The following SLC25A26 variants were observed in gnomAD, a reference collection of about 807,000 sequenced individuals.
SLC25A26 encodes the protein solute carrier family 25 member 26.
A neutral mutation model predicts 37.8 loss-of-function variants in SLC25A26; 36 were observed. That is an observed-to-expected ratio of 0.95 (90% CI 0.73 to 1.26). The LOEUF (loss-of-function observed/expected upper bound fraction) is 1.26, where lower values mean the gene tolerates loss of function less well. Among genes scored for constraint, SLC25A26 ranks in the 50% most tolerant of loss-of-function variants. SLC25A26 has a pLI of 0.00. For missense variants in SLC25A26, 390 were observed against 331.1 expected (o/e 1.18, Z -1.38); for synonymous variants, 129 against 122.5 (o/e 1.05, Z -0.35).
At chr3:66,151,985 A>G (rs900579402) in intron 1 of SLC25A26, among the ~76,000 whole-genome samples, 4 of 152,204 alleles carry the variant, frequency 2.6e-5, no homozygotes, top group Admixed American at 2.0e-4. Flanking sequence ...GAATGGATGG[A>G]TGAAATAGAG....
At chr3:66,354,499 T>C (rs1476839608) in intron 6 of SLC25A26, among the ~76,000 whole-genome samples, 6 of 152,246 alleles carry the variant, frequency 3.9e-5, no homozygotes, top group Admixed American at 1.3e-4. Context: ...GTTTTATAAG[T>C]ATTTTAAACG....
chr3:66,317,970 G>T (rs894458707), intron 5 of SLC25A26, among the ~76,000 whole-genome samples: 1 of 152,186 alleles, frequency 6.6e-6, no homozygotes, highest in African/African-American at 2.4e-5. Context: ...CTGGTGGCAG[G>T]GGAAAACAGC....
intron 5 of SLC25A26, among the ~76,000 whole-genome samples, chr3:66,338,117 G>GT (rs2076131450): frequency 6.6e-6 from 1 of 151,866 alleles, no homozygotes; most frequent in African/African-American, 2.4e-5. Flanking sequence ...CACTCTTTTT[G>GT]TTTCTTCTTT....
chr3:66,294,757 A>G (rs943128637), intron 5 of SLC25A26, among the ~76,000 whole-genome samples: 3 of 152,200 alleles, frequency 2.0e-5, no homozygotes, highest in African/African-American at 7.2e-5. Context: ...CACTCTGTCT[A>G]CTATGTAGTA....
chr3:66,234,130 G>A (rs1024042094), intron 1 of SLC25A26, among the ~76,000 whole-genome samples: 1 of 152,124 alleles, frequency 6.6e-6, no homozygotes, highest in African/African-American at 2.4e-5. Context: ...TGCCCAGGCA[G>A]GAGCGTGGTG....
chr3:66,269,518 T>C (rs973561857), intron 5 of SLC25A26, among the ~76,000 whole-genome samples: 1 of 152,210 alleles, frequency 6.6e-6, no homozygotes, highest in Admixed American at 6.5e-5. Context: ...TAATTGATGA[T>C]TGAGCTGATC....
chr3:66,346,343 A>C (rs966230594), intron 5 of SLC25A26, 21 bp from the exon 6 acceptor site: 1 of 1,295,402 alleles, frequency 7.7e-7, no homozygotes, highest in Non-Finnish European at 1.0e-6. Context: ...AATTTATTTA[A>C]TTTTTTTTTT....
At chr3:66,285,388 A>G (rs922584077) in intron 5 of SLC25A26, among the ~76,000 whole-genome samples, 6 of 151,266 alleles carry the variant, frequency 4.0e-5, no homozygotes, top group Non-Finnish European at 8.8e-5. Flanking sequence ...CCAATTTTTG[A>G]GGCTACCAAT....
At chr3:66,340,189 T>C (rs186549719) in intron 5 of SLC25A26, among the ~76,000 whole-genome samples, 2 of 152,182 alleles carry the variant, frequency 1.3e-5, no homozygotes, top group East Asian at 3.9e-4. Flanking sequence ...TTCTGGGCTG[T>C]TTTATTTCAC....
At chr3:66,211,912 A>G (rs1344756797) in intron 1 of SLC25A26, among the ~76,000 whole-genome samples, 5 of 152,174 alleles carry the variant, frequency 3.3e-5, no homozygotes, top group African/African-American at 1.2e-4. Context: ...CATCACTACT[A>G]TAGATCTCAA....
intron 1 of SLC25A26, among the ~76,000 whole-genome samples, chr3:66,169,770 G>A (rs1045341852): frequency 1.1e-4 from 16 of 152,160 alleles, no homozygotes; most frequent in Non-Finnish European, 2.1e-4. Context: ...CTGAACATTA[G>A]GAGGAACTAT....
intron 1 of SLC25A26, among the ~76,000 whole-genome samples, chr3:66,181,013 G>A (rs780426562): frequency 2.6e-5 from 4 of 152,204 alleles, no homozygotes; most frequent in Non-Finnish European, 4.4e-5. Context: ...GCAGCTGTCT[G>A]CAAGCCAGGA....
intron 5 of SLC25A26, among the ~76,000 whole-genome samples, chr3:66,343,000 T>C (rs2076243771): frequency 6.6e-6 from 1 of 152,230 alleles, no homozygotes; most frequent in Non-Finnish European, 1.5e-5. Context: ...ATATAAGAGC[T>C]CTGAGTGCAG....
intron 1 of SLC25A26, among the ~76,000 whole-genome samples, chr3:66,194,069 G>A (rs36158696): frequency 1.3e-5 from 2 of 152,180 alleles, no homozygotes; most frequent in African/African-American, 4.8e-5. Flanking sequence ...CTTAATTTTA[G>A]ATGTAGCTGC....
intron 1 of SLC25A26, among the ~76,000 whole-genome samples, chr3:66,229,442 G>C (rs2071906387): frequency 6.6e-6 from 1 of 152,160 alleles, no homozygotes; most frequent in Non-Finnish European, 1.5e-5. Flanking sequence ...ATTGGATCGT[G>C]GGGACAGTTC....
At chr3:66,359,707 T>G (rs2076654767) in intron 6 of SLC25A26, among the ~76,000 whole-genome samples, 1 of 152,248 alleles carries the variant, frequency 6.6e-6, no homozygotes, top group African/African-American at 2.4e-5. Context: ...TGTTTCTTAT[T>G]CTTTCTGCAG....
chr3:66,226,371 A>T (rs1334509261), intron 1 of SLC25A26, among the ~76,000 whole-genome samples: 1 of 152,198 alleles, frequency 6.6e-6, no homozygotes. Context: ...CCATGATTCA[A>T]TTACCTCCCA....
chr3:66,333,083 A>G (rs1310837023), intron 5 of SLC25A26, among the ~76,000 whole-genome samples: 2 of 151,750 alleles, frequency 1.3e-5, no homozygotes, highest in Admixed American at 6.6e-5. Context: ...CTGAAGTACT[A>G]TGTTCTACCT....
chr3:66,278,796 T>C (rs2074241840), intron 5 of SLC25A26, among the ~76,000 whole-genome samples: 1 of 152,228 alleles, frequency 6.6e-6, no homozygotes, highest in Non-Finnish European at 1.5e-5. Context: ...AAATTTCACT[T>C]TCTGGAAAGA....
Sources: gnomAD v4.1 joint callset for allele counts (sites outside exome capture counted in the v4.1 genomes callset) on GRCh38, gnomAD v4.1.1 for gene constraint, MANE v1.5 for transcripts, NCBI Gene and HGNC (gene_info 2026-07-23, HGNC 2026-07-21) for gene names.